The following DNAH1 variants were observed in gnomAD, a reference collection of about 807,000 sequenced individuals.
The protein encoded by DNAH1 is axonemal beta dynein heavy chain 1.
DNAH1 carries 327 observed loss-of-function variants against 484.3 expected under a neutral mutation model. The observed-to-expected ratio is 0.68, with a 90% CI of 0.62 to 0.74. The LOEUF is 0.74. Ranked by LOEUF, DNAH1 falls within the 30% of genes least tolerant of loss-of-function variation. The pLI is 0.00. For synonymous variants in DNAH1, 2,192 were observed against 2,191.9 expected (o/e 1.00, Z 0.00); for missense variants, 5,052 against 5,546.8 (o/e 0.91, Z 2.83).
At chr3:52,349,809 G>A (rs1001721392) in intron 14 of DNAH1, among the ~76,000 whole-genome samples, 180 bp from the exon 15 acceptor site, 3 of 152,240 alleles carry the variant, frequency 2.0e-5, no homozygotes, top group African/African-American at 7.2e-5. Context: ...TTGCCCCACT[G>A]ACAGTCCTCA....
intron 44 of DNAH1, chr3:52,373,661 TC>T: frequency 2.1e-6 from 3 of 1,402,680 alleles, no homozygotes; most frequent in Non-Finnish European, 3.0e-6. Flanking sequence ...AAGATGTTCC[TC>T]CTGCTGATCA....
In DNAH1 at chr3:52,379,970, G is replaced by C. The variant is rs764661036; in HGVS notation, c.7443G>C (p.Val2481=). 3.2e-6 allele frequency: 5 copies of C among 1,585,710 alleles called. No individual in the cohort carries two copies. Among genetic ancestry groups the C allele is most frequent in the Non-Finnish European group, 4.3e-6 (5 of 1,166,324 alleles). The change falls in exon 48 of 78, where the codon GTG becomes GTC. Residue 2481 remains valine, a synonymous_variant. Coordinates refer to ENST00000420323, the MANE Select transcript of DNAH1 (RefSeq NM_015512.5). The surrounding 1 kb of genome is among the most constrained non-coding windows in gnomAD (Gnocchi z 4.4). ...ENCRVFRDRL[V]NEEDRSWFDQ... ...GCCGCGTGTTCCGGGACCGACTGGT[G>C]AATGAGGAGGACCGCAGCTGGTTCG...
In DNAH1 at chr3:52,363,979, A is replaced by G. The variant is rs561833568; in HGVS notation, c.5245-659A>G. On this transcript the variant is annotated intron_variant, in intron 32 of 77. Coordinates refer to ENST00000420323, the MANE Select transcript of DNAH1 (RefSeq NM_015512.5). ...ATGCTCCCCACCCCCAATCAGAGCA[A>G]CTATCCCACATGGTTTTGGAAATGC... 2.0e-5 allele frequency among the ~76,000 whole-genome samples: 3 copies of G among 152,314 alleles called. No homozygotes were observed. The East Asian group carries it at 5.8e-4, about 29-fold the overall frequency.
chr3:52,399,529 C>G lies in DNAH1; in HGVS notation c.12442-16C>G, dbSNP rs1368456403. 1 of 1,590,620 alleles carries G rather than the reference C, an allele frequency of 6.3e-7. No homozygotes were observed. Among genetic ancestry groups the G allele is most frequent in the Admixed American group, 1.7e-5 (1 of 57,968 alleles). ...GTATTGTTATGTGTGTGGGGTGTGT[C>G]TGTGTCTACCCACAGGTGATGTTTG... On this transcript the variant is annotated splice_polypyrimidine_tract_variant and intron_variant, in intron 76 of 77. Transcript: ENST00000420323.
intron 32 of DNAH1, 42 bp downstream of exon 32, chr3:52,363,186 C>G: frequency 1.2e-6 from 2 of 1,603,670 alleles, no homozygotes; most frequent in Non-Finnish European, 1.7e-6. Flanking sequence ...CTGAAAACTT[C>G]TGCCTGCTCC....
At chr3:52,349,921 G>A (rs1702301315) in intron 14 of DNAH1, 68 bp from the exon 15 acceptor site, 4 of 1,535,718 alleles carry the variant, frequency 2.6e-6, no homozygotes, top group Admixed American at 3.9e-5. Context: ...AGACCAAGGA[G>A]GAAGAGCAGG....
Position 52,386,701 on chromosome 3 carries a change from G to A in DNAH1, c.8851G>A (p.Val2951Ile), listed in dbSNP as rs1193903544. Residue 2951 changes from valine (V) to isoleucine (I), a missense_variant, in exon 56 of 78, where the codon GTC becomes ATC. Physicochemically the swap from Val to Ile is conservative, Grantham distance 29 (BLOSUM62 3). Transcript: ENST00000420323. ...MQRPPPGVKL[V>I]IEAVCIMKGI... Reference sequence around the variant, plus strand: ...GCGGCCACCCCCGGGTGTGAAACTGGTCATAGAAGCTGTGTGCATTATGAA... The same window carrying A: ...GCGGCCACCCCCGGGTGTGAAACTGATCATAGAAGCTGTGTGCATTATGAA... 1 of 1,592,518 alleles carries A rather than the reference G, an allele frequency of 6.3e-7. No homozygotes were observed. Among genetic ancestry groups the A allele is most frequent in the Non-Finnish European group, 8.5e-7 (1 of 1,169,968 alleles).
At chr3:52,324,956 C>T (rs940745026) in intron 3 of DNAH1, among the ~76,000 whole-genome samples, 11 of 152,042 alleles carry the variant, frequency 7.2e-5, no homozygotes, top group Non-Finnish European at 1.0e-4. Flanking sequence ...GGCCCGCGGA[C>T]GCAGCAGGGT....
intron 17 of DNAH1, among the ~76,000 whole-genome samples, chr3:52,352,333 G>A (rs1360978137): frequency 6.6e-6 from 1 of 152,194 alleles, no homozygotes; most frequent in African/African-American, 2.4e-5. Context: ...CAGCTCTTCT[G>A]TTGTGTCCTT....
chr3:52,341,880 A>G (rs1701953699), intron 8 of DNAH1, among the ~76,000 whole-genome samples: 1 of 152,190 alleles, frequency 6.6e-6, no homozygotes, highest in Non-Finnish European at 1.5e-5. Flanking sequence ...CTTGTGCCAG[A>G]CACTGGGTAC....
In DNAH1 at chr3:52,400,476, G is replaced by C; in HGVS notation, c.*30G>C. ...AGACAGAAGGGCTGGGGCCATTAAA[G>C]CTGAATTTTCTAAGCAGTCCAGCTG... On this transcript the variant is annotated 3_prime_UTR_variant, in exon 78 of 78. Coordinates refer to ENST00000420323, the MANE Select transcript of DNAH1 (RefSeq NM_015512.5). 2 of 1,613,748 alleles carry C rather than the reference G, an allele frequency of 1.2e-6. No individual in the cohort carries two copies. Among genetic ancestry groups the C allele is most frequent in the Non-Finnish European group, 1.7e-6 (2 of 1,179,696 alleles).
At chr3:52,343,403 G>A (rs1051678906) in intron 8 of DNAH1, among the ~76,000 whole-genome samples, 1 of 152,074 alleles carries the variant, frequency 6.6e-6, no homozygotes, top group Non-Finnish European at 1.5e-5. Context: ...GGGAGATTCC[G>A]GGGTGTGAAG....
chr3:52,322,631 C>A lies in DNAH1; in HGVS notation c.189C>A (p.Pro63=). The A allele has an allele frequency of 6.2e-7, 1 of 1,613,820 alleles. No homozygotes were observed. The highest frequency in any genetic ancestry group is 8.5e-7 in the Non-Finnish European group (1 of 1,179,822). Reference sequence around the variant, plus strand: ...TTGACCCCAAGCTCCCACATTTACCCCTGCCCCCGGCCCCACCCACACTCT... The same window carrying A: ...TTGACCCCAAGCTCCCACATTTACCACTGCCCCCGGCCCCACCCACACTCT... ...PALDPKLPHL[P]LPPAPPTLSD... The change falls in exon 2 of 78, where the codon CCC becomes CCA. Residue 63 remains proline (P), a synonymous_variant. Coordinates refer to ENST00000420323, the MANE Select transcript of DNAH1 (RefSeq NM_015512.5).
intron 34 of DNAH1, 150 bp downstream of exon 34, chr3:52,365,169 C>A: frequency 8.5e-7 from 1 of 1,176,802 alleles, no homozygotes. Flanking sequence ...CCGAGCAATC[C>A]AGAGGCAGGG....
chr3:52,397,120 C>T, intron 73 of DNAH1, 76 bp downstream of exon 73: 1 of 1,387,256 alleles, frequency 7.2e-7, no homozygotes, highest in Non-Finnish European at 9.7e-7. Flanking sequence ...CACCTTGGTG[C>T]TGGGTGGGAG....
At position 52,358,068 on chromosome 3, in the gene DNAH1, T is replaced by C; in HGVS notation, c.4086+65T>C. On this transcript the variant is annotated intron_variant, in intron 24 of 77. Coordinates refer to ENST00000420323, the MANE Select transcript of DNAH1 (RefSeq NM_015512.5). This position sits in a 1 kb window ranked among gnomAD's most constrained non-coding sequence, Gnocchi z 4.2. ...GGCATCTTCCCAGGGAGAACGTCCC[T>C]CCCTTTGTGATGAGCCCTTTTAGCA... 4 of 1,280,916 alleles carry C rather than the reference T, an allele frequency of 3.1e-6. No individual in the cohort carries two copies. The South Asian group carries it at 5.8e-5, about 18-fold the overall frequency. 79.3% of individuals were successfully genotyped at this position (1,280,916 alleles called of 1,614,324 possible). A position where few individuals can be genotyped will look rare whatever the true frequency, so the allele number is the denominator to read the frequency against.
chr3:52,387,033 G>C (rs1021271736), intron 56 of DNAH1, among the ~76,000 whole-genome samples, 180 bp downstream of exon 56: 3 of 152,214 alleles, frequency 2.0e-5, no homozygotes, highest in Admixed American at 1.3e-4. Flanking sequence ...GGGCCACACA[G>C]ATGGCTGGAA....
In DNAH1 at chr3:52,356,632, C is replaced by T; in HGVS notation, c.3712C>T (p.Leu1238=). 1 of 1,613,514 alleles carries T rather than the reference C, an allele frequency of 6.2e-7. No homozygotes were observed. The highest frequency in any genetic ancestry group is 8.5e-7 in the Non-Finnish European group (1 of 1,179,894). ...TCCCCAGGAGGTTCTGGAGGAGTGG[C>T]TGAACTGTCAGCGGTCCTGGCTCTA... is the stretch of plus-strand genomic sequence containing the variant. The part of the protein sequence containing the change: ...KLTQEVLEEW[L]NCQRSWLYLE... The change falls in exon 22 of 78, where the codon CTG becomes TTG. Residue 1238 remains leucine (L), a synonymous_variant. Transcript: ENST00000420323.
At chr3:52,359,439 G>A in intron 26 of DNAH1, 53 bp downstream of exon 26, 6 of 1,549,418 alleles carry the variant, frequency 3.9e-6, no homozygotes, top group Non-Finnish European at 5.2e-6. Context: ...ACATGGCACA[G>A]GAGGGCCCAG....
Sources: allele counts gnomAD v4.1 joint callset (sites outside exome capture counted in the v4.1 genomes callset), GRCh38; gene constraint gnomAD v4.1.1; non-coding constraint Gnocchi (gnomAD v3.1); transcripts MANE v1.5; gene names NCBI Gene and HGNC (gene_info 2026-07-23, HGNC 2026-07-21).